The following SYNE1 variants were observed in gnomAD, a reference collection of about 807,000 sequenced individuals.
The protein encoded by SYNE1 is spectrin repeat containing nuclear envelope protein 1.
SYNE1 carries 616 observed loss-of-function variants against 1,111.0 expected under a neutral mutation model. The observed-to-expected ratio is 0.55, with a 90% CI of 0.52 to 0.59. SYNE1 has a LOEUF of 0.59. SYNE1 is among the 20% of genes least tolerant of loss of function. SYNE1 has a pLI of 0.00. For missense variants in SYNE1, 10,006 were observed against 10,417.0 expected, an observed-to-expected ratio of 0.96 and a Z score of 1.72; for synonymous variants, 3,855 against 3,825.8, an observed-to-expected ratio of 1.01 and a Z score of -0.28.
At chr6:152,407,686 T>C (rs1244955035) in intron 44 of SYNE1, among the ~76,000 whole-genome samples, 2 of 151,814 alleles carry the variant, frequency 1.3e-5, no homozygotes, top group Non-Finnish European at 2.9e-5. Context: ...TCACTCTTCC[T>C]ATAATGATAT....
chr6:152,206,363 C>T lies in SYNE1; in HGVS notation c.22825-1G>A, dbSNP rs764946757. On this transcript the variant is annotated splice_acceptor_variant, in intron 125 of 145. Transcript: ENST00000367255. LOFTEE classifies it high-confidence loss of function. ...GCCGCAGAAACACTTTTTCTTTGAACTGAAAGGAACCATAGCTTTTTATTT... is the reference window on the plus strand; with the variant it reads ...GCCGCAGAAACACTTTTTCTTTGAATTGAAAGGAACCATAGCTTTTTATTT... 6.2e-7 allele frequency: 1 copy of T among 1,613,650 alleles called. No individual in the cohort carries two copies. The highest frequency in any genetic ancestry group is 8.5e-7 in the Non-Finnish European group (1 of 1,179,904).
At position 152,419,735 on chromosome 6, in the gene SYNE1, AG is replaced by A; in HGVS notation, c.5268-14del. The A allele has an allele frequency of 6.2e-7, 1 of 1,613,680 alleles. No homozygotes were observed. The highest frequency in any genetic ancestry group is 8.5e-7 in the Non-Finnish European group (1 of 1,179,668). The stretch of plus-strand genomic sequence containing the variant: ...AAGAAAATTAATCCTATGTAGACAA[AG>A]TATTAAAGTTAAAATGTCCCATAAG... On this transcript the variant is annotated splice_polypyrimidine_tract_variant and intron_variant, in intron 39 of 145. Coordinates refer to ENST00000367255, the MANE Select transcript of SYNE1 (RefSeq NM_182961.4).
At chr6:152,594,892 A>G (rs546776443) in intron 3 of SYNE1, among the ~76,000 whole-genome samples, 2 of 152,288 alleles carry the variant, frequency 1.3e-5, no homozygotes, top group South Asian at 4.1e-4. Flanking sequence ...CACTATTTTA[A>G]TGAAAACATT....
At chr6:152,629,623 T>A (rs966196736) in intron 2 of SYNE1, among the ~76,000 whole-genome samples, 1 of 150,770 alleles carries the variant, frequency 6.6e-6, no homozygotes, top group African/African-American at 2.4e-5. Context: ...AAATGTACTT[T>A]AAATAAGAAT....
At chr6:152,594,748 T>G (rs1480803507) in intron 3 of SYNE1, among the ~76,000 whole-genome samples, 1 of 152,156 alleles carries the variant, frequency 6.6e-6, no homozygotes, top group East Asian at 1.9e-4. Flanking sequence ...TTCTACTGAG[T>G]CAGTCTCCAC....
At position 152,318,201 on chromosome 6, in the gene SYNE1, C is replaced by T. The variant is rs1422052568; in HGVS notation, c.16452G>A (p.Gln5484=). The change falls in exon 86 of 146, where the codon CAG becomes CAA. Residue 5484 remains glutamine (Q), a synonymous_variant. Transcript: ENST00000367255. ...GTTGGCCATTCTGTTCCAAGAATTT[C>T]TGTACTGCTGCATCTAATTCCATTA... ...SKLMELDAAV[Q]KFLEQNGQLG... is the part of the protein sequence containing the mutation. 1 of 1,614,174 alleles carries T rather than the reference C, an allele frequency of 6.2e-7. No individual in the cohort carries two copies. The highest frequency in any genetic ancestry group is 1.7e-5 in the Admixed American group (1 of 60,022).
At chr6:152,580,288 A>G (rs1242809140) in intron 3 of SYNE1, among the ~76,000 whole-genome samples, 2 of 152,026 alleles carry the variant, frequency 1.3e-5, no homozygotes, top group African/African-American at 4.8e-5. Flanking sequence ...ATTTTTTCAT[A>G]TACTTGTCCA....
At position 152,122,254 on chromosome 6, in the gene SYNE1, C is replaced by T. The variant is rs12681; in HGVS notation, c.*182G>A. ...CCTTCTTGTTGTCTGTTTGTTCCCC[C>T]GTCACTGTTTATCTTCCACCTCTGA... On this transcript the variant is annotated 3_prime_UTR_variant, in exon 146 of 146. Transcript: ENST00000367255. 0.2 allele frequency: 178,784 copies of T among 873,974 alleles called. 19,245 individuals are homozygous for T. The highest frequency in any genetic ancestry group is 0.3 in the African/African-American group (17,997 of 60,122). 54.1% of individuals were successfully genotyped at this position (873,974 alleles called of 1,614,324 possible).
chr6:152,408,395 T>C (rs1054265442), intron 44 of SYNE1, among the ~76,000 whole-genome samples: 1 of 152,214 alleles, frequency 6.6e-6, no homozygotes, highest in Non-Finnish European at 1.5e-5. Flanking sequence ...TGCAAAATTA[T>C]AGCCTTATTA....
rs142676206 is a variant in SYNE1 at position 152,387,199 on chromosome 6, G to A, written c.8360C>T (p.Thr2787Met). The change falls in exon 54 of 146, where the codon ACG becomes ATG. Residue 2787 changes from threonine (T) to methionine (M), a missense_variant. This residue lies in a region of SYNE1 where 4,955 missense variants were observed against 5,017.2 expected (regional missense o/e 0.99). Transcript: ENST00000367255. ...QSILSEAEDH[T>M]RALHRLIAKS... The stretch of plus-strand genomic sequence containing the variant: ...CGCAATTAGACGGTGAAGGGCTCTC[G>A]TGTGATCTTCTGCCTCAGACAGGAT... 797 of 1,614,128 alleles carry A rather than the reference G, an allele frequency of 4.9e-4. 1 individual carries two copies. Among genetic ancestry groups the A allele is most frequent in the South Asian group, 2.6e-3 (237 of 91,074 alleles).
At chr6:152,155,882 C>G in intron 132 of SYNE1, 28 bp downstream of exon 132, 1 of 1,612,978 alleles carries the variant, frequency 6.2e-7, no homozygotes, top group Non-Finnish European at 8.5e-7. Context: ...CTTTCCTCTT[C>G]CCTATCTGTT....
At position 152,267,982 on chromosome 6, in the gene SYNE1, G is replaced by C. The variant is rs180744067; in HGVS notation, c.18815+74C>G. ...CAGAAGATGTTTAAAATAAAATTTTGAGTGAGATGTTTACTTTTCTTCAAA... is the reference window on the plus strand; with the variant it reads ...CAGAAGATGTTTAAAATAAAATTTTCAGTGAGATGTTTACTTTTCTTCAAA... On this transcript the variant is annotated intron_variant, in intron 100 of 145. Transcript: ENST00000367255. The C allele has an allele frequency of 1.7e-5, 22 of 1,333,316 alleles. No individual in the cohort carries two copies. The Admixed American group carries it at 2.2e-4, about 14-fold the overall frequency. The allele number at this position is 1,333,316 out of a possible 1,614,324, so 82.6% of individuals were successfully genotyped here.
At chr6:152,164,141 C>T (rs1357633792) in intron 131 of SYNE1, 22 bp downstream of exon 131, 3 of 1,613,824 alleles carry the variant, frequency 1.9e-6, no homozygotes, top group Non-Finnish European at 1.7e-6. Flanking sequence ...CTTATTAATT[C>T]CATTTCCATT....
In SYNE1 at chr6:152,430,106, T is replaced by A. The variant is rs1229747562; in HGVS notation, c.4788+6A>T. ...AAATAGTAGAAATGTTGAAGCATAC[T>A]CTTACCATATGTTCTTGAAGAACTT... is the stretch of plus-strand genomic sequence containing the variant. On this transcript the variant is annotated splice_donor_region_variant and intron_variant, in intron 36 of 145. Transcript: ENST00000367255. 1.9e-6 allele frequency: 3 copies of A among 1,564,586 alleles called. No homozygotes were observed. Among genetic ancestry groups the A allele is most frequent in the Non-Finnish European group, 2.6e-6 (3 of 1,140,472 alleles).
intron 100 of SYNE1, among the ~76,000 whole-genome samples, chr6:152,267,504 T>C (rs986128784): frequency 7.9e-5 from 12 of 152,176 alleles, no homozygotes; most frequent in African/African-American, 1.7e-4. Flanking sequence ...CCTCAAAATA[T>C]AGTGGTGCTT....
chr6:152,556,644 G>T (rs2099366062), intron 3 of SYNE1, among the ~76,000 whole-genome samples: 1 of 152,102 alleles, frequency 6.6e-6, no homozygotes, highest in Non-Finnish European at 1.5e-5. Context: ...TTACTCCCAT[G>T]GTCCAAAATA....
At chr6:152,164,361 G>A (rs767544403) in intron 130 of SYNE1, 36 bp from the exon 131 acceptor site, 109 of 1,612,744 alleles carry the variant, frequency 6.8e-5, no homozygotes, top group East Asian at 6.5e-4. Flanking sequence ...CCACTTCAGC[G>A]AGAGGCCCAC....
chr6:152,367,154 G>A, intron 62 of SYNE1, 64 bp downstream of exon 62: 1 of 1,596,036 alleles, frequency 6.3e-7, no homozygotes, highest in Non-Finnish European at 8.6e-7. Flanking sequence ...GGTGGATGGA[G>A]ACGGGAAATT....
intron 91 of SYNE1, among the ~76,000 whole-genome samples, chr6:152,306,345 G>C (rs901069262): frequency 2.6e-5 from 4 of 151,916 alleles, no homozygotes; most frequent in Non-Finnish European, 4.4e-5. Context: ...AATTATCAGG[G>C]CATGGTGATG....
Sources: allele counts gnomAD v4.1 joint callset (sites outside exome capture counted in the v4.1 genomes callset), GRCh38; gene constraint gnomAD v4.1.1; regional missense constraint gnomAD v4.1.1; transcripts MANE v1.5; gene names NCBI Gene and HGNC (gene_info 2026-07-23, HGNC 2026-07-21).